SLC46A1: variants seen among roughly 807,000 people sequenced by gnomAD.
SLC46A1 encodes proton-coupled folate transporter.
Under a neutral mutation model 32.1 loss-of-function variants are expected in SLC46A1, and 17 were observed. That is an observed-to-expected ratio of 0.53 (90% confidence interval 0.36 to 0.79). The LOEUF (loss-of-function observed/expected upper bound fraction) is 0.79. Among genes scored for constraint, SLC46A1 ranks in the 30% least tolerant of loss-of-function variants. The probability of loss-of-function intolerance (pLI) is 0.00; values close to 1 mark genes in which losing one functional copy is unlikely to be tolerated. For synonymous variants in SLC46A1, 240 were observed against 262.7 expected, an observed-to-expected ratio of 0.91 and a Z score of 0.84; for missense variants, 517 against 588.2, an observed-to-expected ratio of 0.88 and a Z score of 1.25.
rs1431616848 is a variant in SLC46A1, at chr17:28,398,794, C to G, written c.*862G>C. 1 of 152,250 alleles carries G rather than the reference C, an allele frequency of 6.6e-6. No individual in the cohort carries two copies. The highest frequency in any genetic ancestry group is 1.5e-5 in the Non-Finnish European group (1 of 68,064). The allele number at this position is 152,250 out of a possible 1,614,324, so 9.4% of individuals were successfully genotyped here. ...AGCTAAGTTTCCTAACTTGTCCATC[C>G]AAATGTGATCACCACGATTCAACAA... On this transcript the variant is annotated 3_prime_UTR_variant, in exon 5 of 5. Transcript: ENST00000612814.
Position 28,400,733 on chromosome 17 carries a change from C to T in SLC46A1, c.1199G>A (p.Ser400Asn), listed in dbSNP as rs782796227. Residue 400 changes from serine (S) to asparagine (N), a missense_variant, in exon 4 of 5, where the codon AGC (serine) becomes AAC (asparagine). Physicochemically the swap from Ser to Asn is conservative, Grantham distance 46. Coordinates refer to ENST00000612814, the MANE Select transcript of SLC46A1 (RefSeq NM_080669.6). ...GCCGGAGGCCGTCAGCATGGCCAGGCTATTCACACAGGCCACAGCAGAAAA... is the reference window on the plus strand; with the variant it reads ...GCCGGAGGCCGTCAGCATGGCCAGGTTATTCACACAGGCCACAGCAGAAAA... Reference protein sequence around the residue: ...ALFSAVACVNSLAMLTASGIF... With the variant: ...ALFSAVACVNNLAMLTASGIF... The T allele has an allele frequency of 1.9e-6, 3 of 1,595,792 alleles. No individual in the cohort carries two copies. The highest frequency in any genetic ancestry group is 3.5e-5 in the Admixed American group (2 of 56,354).
chr17:28,403,867 A>C (rs1567817647), intron 2 of SLC46A1: 1 of 152,276 alleles, frequency 6.6e-6, no homozygotes, highest in Non-Finnish European at 1.5e-5. Flanking sequence ...TACAAAAATT[A>C]GCAAGGTGTG....
chr17:28,395,268 A>T lies in SLC46A1; in HGVS notation c.*4388T>A, dbSNP rs1745003449. On this transcript the variant is annotated 3_prime_UTR_variant, in exon 5 of 5. Coordinates refer to ENST00000612814, the MANE Select transcript of SLC46A1 (RefSeq NM_080669.6). The stretch of plus-strand genomic sequence containing the variant: ...CCACCATGCCCAGCTGAATTATTTA[A>T]TTTCACAGTTATAAAGGACACAGCT... 1 of 152,200 alleles carries T rather than the reference A, an allele frequency of 6.6e-6. No individual in the cohort carries two copies. The highest frequency in any genetic ancestry group is 1.5e-5 in the Non-Finnish European group (1 of 68,078). The allele number at this position is 152,200 out of a possible 1,614,324, so 9.4% of individuals were successfully genotyped here.
intron 4 of SLC46A1, 39 bp from the exon 5 acceptor site, chr17:28,399,752 G>A (rs2068173771): frequency 6.2e-7 from 1 of 1,611,712 alleles, no homozygotes; most frequent in South Asian, 1.1e-5. Flanking sequence ...TTTCATGTGG[G>A]GAACCCTCAA....
chr17:28,400,017 C>T, intron 4 of SLC46A1: 2 of 388,240 alleles, frequency 5.2e-6, no homozygotes, highest in Non-Finnish European at 9.6e-6. Flanking sequence ...CCTCAGCCTC[C>T]TTAGTAGCTG....
chr17:28,400,050 T>C, intron 4 of SLC46A1: 1 of 306,328 alleles, frequency 3.3e-6, no homozygotes. Context: ...CATACCACCA[T>C]GCCTGGGTGA....
Position 28,396,201 on chromosome 17 carries a change from G to A in SLC46A1, c.*3455C>T, listed in dbSNP as rs544071937. ...GAGGCCACCATTGAGAAGATCATCCGCTTCCTGCAGGGCCGCTCCTCCCGG... is the reference window on the plus strand; with the variant it reads ...GAGGCCACCATTGAGAAGATCATCCACTTCCTGCAGGGCCGCTCCTCCCGG... On this transcript the variant is annotated 3_prime_UTR_variant, in exon 5 of 5. Coordinates refer to ENST00000612814, the MANE Select transcript of SLC46A1 (RefSeq NM_080669.6). 1.9e-5 allele frequency: 30 copies of A among 1,613,968 alleles called. No individual in the cohort carries two copies. The East Asian group carries it at 2.7e-4, about 14-fold the overall frequency.
In SLC46A1 at chr17:28,405,272, C is replaced by A. The variant is rs782313163; in HGVS notation, c.425G>T (p.Gly142Val). The A allele has an allele frequency of 2.9e-5, 46 of 1,584,878 alleles. No homozygotes were observed. The South Asian group carries it at 5.2e-4, about 18-fold the overall frequency. The stretch of plus-strand genomic sequence containing the variant: ...AAGGATGCGACCCAGCACGAAGTAG[C>A]CGACGTGGAGCTGCAGCTGCACCAC... The part of the protein sequence containing the change: ...VFVVQLQLHV[G>V]YFVLGRILCA... The change falls in exon 2 of 5, where the codon GGC becomes GTC. Residue 142 changes from glycine (G) to valine (V), a missense_variant. Physicochemically the swap from Gly to Val is moderately radical, Grantham distance 109. Transcript: ENST00000612814.
Position 28,396,415 on chromosome 17 carries a change from C to A in SLC46A1, c.*3241G>T. 9.6e-7 allele frequency: 1 copy of A among 1,042,186 alleles called. No homozygotes were observed. Among genetic ancestry groups the A allele is most frequent in the Non-Finnish European group, 1.4e-6 (1 of 706,854 alleles). 64.6% of individuals were successfully genotyped at this position (1,042,186 alleles called of 1,614,324 possible). ...CTTCTTAGGAAATGGCTCTCCCTCC[C>A]CCTGTCCCCCACCCTCATGGCCCAC... On this transcript the variant is annotated 3_prime_UTR_variant, in exon 5 of 5. Transcript: ENST00000612814.
intron 1 of SLC46A1, 153 bp downstream of exon 1, chr17:28,405,734 G>A (rs906849278): frequency 2.0e-6 from 2 of 1,016,056 alleles, no homozygotes; most frequent in Non-Finnish European, 2.8e-6. Flanking sequence ...TGAGGTTCTC[G>A]GTCAGGCCCC....
chr17:28,404,555 C>G, intron 2 of SLC46A1, 61 bp downstream of exon 2: 1 of 1,593,614 alleles, frequency 6.3e-7, no homozygotes, highest in Non-Finnish European at 8.5e-7. Context: ...AGTGAGTGGC[C>G]GGCCCCCAGT....
chr17:28,402,011 T>C, intron 3 of SLC46A1: 1 of 473,978 alleles, frequency 2.1e-6, no homozygotes, highest in Non-Finnish European at 3.8e-6. Flanking sequence ...AGAACATAAT[T>C]GTGCTCTGCT....
chr17:28,402,356 G>C (rs1555589811), intron 2 of SLC46A1, 35 bp from the exon 3 acceptor site: 1 of 1,582,404 alleles, frequency 6.3e-7, no homozygotes, highest in South Asian at 1.1e-5. Flanking sequence ...GGAAAATGGG[G>C]CTGGGGAGAG....
rs1279194228 is a variant in SLC46A1 at position 28,395,095 on chromosome 17, C to T, written c.*4561G>A. On this transcript the variant is annotated 3_prime_UTR_variant, in exon 5 of 5. Transcript: ENST00000612814. ...CTGCAGAGACCAATTCCTGTCAAGG[C>T]TCAGAATAACTTAAAGTTCCAAGAG... 6.6e-6 allele frequency: 1 copy of T among 151,784 alleles called. No homozygotes were observed. Among genetic ancestry groups the T allele is most frequent in the Non-Finnish European group, 1.5e-5 (1 of 68,006 alleles). 9.4% of individuals were successfully genotyped at this position (151,784 alleles called of 1,614,324 possible).
chr17:28,400,467 G>A, intron 4 of SLC46A1, 143 bp downstream of exon 4: 2 of 1,114,792 alleles, frequency 1.8e-6, no homozygotes, highest in Non-Finnish European at 2.5e-6. Context: ...GCAGCCATCT[G>A]CAAGGAGAGG....
At chr17:28,403,308 G>A (rs1249027211) in intron 2 of SLC46A1, 4 of 152,246 alleles carry the variant, frequency 2.6e-5, no homozygotes, top group Non-Finnish European at 5.9e-5. Context: ...GAAGAGCATG[G>A]CATAGGGACA....
At position 28,396,720 on chromosome 17, in the gene SLC46A1, G is replaced by A. The variant is rs1243314091; in HGVS notation, c.*2936C>T. 5.7e-6 allele frequency: 1 copy of A among 175,974 alleles called. No individual in the cohort carries two copies. The highest frequency in any genetic ancestry group is 2.4e-5 in the African/African-American group (1 of 41,956). 10.9% of individuals were successfully genotyped at this position (175,974 alleles called of 1,614,324 possible). A position where few individuals can be genotyped will look rare whatever the true frequency, so the allele number is the denominator to read the frequency against. Reference sequence around the variant, plus strand: ...GGCACTGTATTCTGAGCAAGGGCCTGGGCCCAGGAGCCAGCCAGGGATGAG... The same window carrying A: ...GGCACTGTATTCTGAGCAAGGGCCTAGGCCCAGGAGCCAGCCAGGGATGAG... On this transcript the variant is annotated 3_prime_UTR_variant, in exon 5 of 5. Coordinates refer to ENST00000612814, the MANE Select transcript of SLC46A1 (RefSeq NM_080669.6).
Position 28,395,072 on chromosome 17 carries a change from G to C in SLC46A1, c.*4584C>G, listed in dbSNP as rs116278566. On this transcript the variant is annotated 3_prime_UTR_variant, in exon 5 of 5. Transcript: ENST00000612814. ...AGCTGCATGCCCCATGACTCAGGCT[G>C]CAGAGACCAATTCCTGTCAAGGCTC... 1.3e-5 allele frequency: 2 copies of C among 151,272 alleles called. No individual in the cohort carries two copies. The highest frequency in any genetic ancestry group is 2.9e-5 in the Non-Finnish European group (2 of 67,998). The allele number at this position is 151,272 out of a possible 1,614,324, so 9.4% of individuals were successfully genotyped here.
chr17:28,406,276 C>T (rs1343775561), upstream of SLC46A1: 3 of 519,380 alleles, frequency 5.8e-6, no homozygotes, highest in Admixed American at 4.5e-5. This position sits in a 1 kb window ranked among gnomAD's most constrained non-coding sequence, Gnocchi z 4.5. Flanking sequence ...CTGAGGCCAC[C>T]GGACTCTCGC....
Sources: gnomAD v4.1 joint callset for allele counts on GRCh38, gnomAD v4.1.1 for gene constraint, Gnocchi (gnomAD v3.1) non-coding constraint, MANE v1.5 for transcripts, NCBI Gene and HGNC (gene_info 2026-07-23, HGNC 2026-07-21) for gene names.